ZBTB20: variants seen among roughly 807,000 people sequenced by gnomAD.
ZBTB20 encodes zinc finger and BTB domain containing 20, also known as zinc finger and BTB domain-containing protein 20.
A neutral mutation model predicts 56.9 loss-of-function variants in ZBTB20; 9 were observed. The ratio of observed to expected loss-of-function variants is 0.16; its 90% confidence interval spans 0.10 to 0.28. The LOEUF (loss-of-function observed/expected upper bound fraction) is 0.28, where lower values mean the gene tolerates loss of function less well. ZBTB20 is among the 10% of genes least tolerant of loss of function. The pLI is 1.00. For synonymous variants in ZBTB20, 417 were observed against 420.7 expected (o/e 0.99, Z 0.11); for missense variants, 655 against 1,003.0 (o/e 0.65, Z 4.69).
chr3:115,031,557 T>A (rs2080681018), intron 2 of ZBTB20, among the ~76,000 whole-genome samples: 1 of 151,484 alleles, frequency 6.6e-6, no homozygotes, highest in African/African-American at 2.4e-5. Flanking sequence ...GAGATTTAAA[T>A]TACTTAATGC....
In ZBTB20 at chr3:114,328,740, TAAA is replaced by T. The variant is rs1330113457; in HGVS notation, c.*10262_*10264del. 2.0e-5 allele frequency: 3 copies of T among 152,238 alleles called. No individual in the cohort carries two copies. The highest frequency in any genetic ancestry group is 6.5e-5 in the Admixed American group (1 of 15,284). 9.4% of individuals were successfully genotyped at this position (152,238 alleles called of 1,614,324 possible). A position where few individuals can be genotyped will look rare whatever the true frequency, so the allele number is the denominator to read the frequency against. On this transcript the variant is annotated 3_prime_UTR_variant, in exon 12 of 12. Transcript: ENST00000675478. ...TAGTGTTCTTTCATTAAATAAAACT[TAAA>T]GAAGGATGTTCAGAATGGGGTGGAG... is the stretch of plus-strand genomic sequence containing the variant.
At chr3:114,416,662 C>G (rs1179182607) in intron 7 of ZBTB20, among the ~76,000 whole-genome samples, 3 of 152,100 alleles carry the variant, frequency 2.0e-5, no homozygotes, top group East Asian at 3.9e-4. Flanking sequence ...TTTATTTTAG[C>G]AGCTCAGCTG....
intron 3 of ZBTB20, among the ~76,000 whole-genome samples, chr3:114,927,742 G>A (rs1441961953): frequency 1.3e-5 from 2 of 152,208 alleles, no homozygotes; most frequent in South Asian, 2.1e-4. Flanking sequence ...AAAAAAACCT[G>A]AAGCTAAAGC....
chr3:114,495,391 A>T (rs1577087658), intron 7 of ZBTB20, among the ~76,000 whole-genome samples: 2 of 152,236 alleles, frequency 1.3e-5, no homozygotes, highest in Admixed American at 1.3e-4. Flanking sequence ...TGCAGTGGTG[A>T]AAGAAAGAAA....
chr3:114,580,619 A>C (rs2107477179), intron 6 of ZBTB20, among the ~76,000 whole-genome samples: 1 of 151,980 alleles, frequency 6.6e-6, no homozygotes. Flanking sequence ...TTAGTTATTC[A>C]AAGTAGTAAG....
intron 6 of ZBTB20, among the ~76,000 whole-genome samples, chr3:114,677,895 T>C (rs1440677717): frequency 6.6e-6 from 1 of 152,194 alleles, no homozygotes; most frequent in East Asian, 1.9e-4. Context: ...ATCAAAGTTT[T>C]ACAGTATTAA....
intron 3 of ZBTB20, among the ~76,000 whole-genome samples, chr3:114,955,454 G>A (rs1405267612): frequency 6.6e-6 from 1 of 152,158 alleles, no homozygotes. Flanking sequence ...GCACTGTTGT[G>A]CAGGTCTTCT....
chr3:114,423,936 G>A (rs1361161084), intron 7 of ZBTB20, among the ~76,000 whole-genome samples: 2 of 152,110 alleles, frequency 1.3e-5, no homozygotes, highest in African/African-American at 2.4e-5. Context: ...AGTTGACTAC[G>A]GTCATAGGGA....
chr3:114,968,416 T>A (rs1325916710), intron 3 of ZBTB20, among the ~76,000 whole-genome samples: 1 of 152,188 alleles, frequency 6.6e-6, no homozygotes, highest in African/African-American at 2.4e-5. Context: ...GCATATGAAA[T>A]ATTTTTGCGA....
chr3:115,002,397 C>T (rs1048316453), intron 2 of ZBTB20, among the ~76,000 whole-genome samples: 6 of 151,378 alleles, frequency 4.0e-5, no homozygotes, highest in African/African-American at 1.5e-4. Flanking sequence ...TTAAAACTTC[C>T]ATATTTGTGA....
At chr3:115,116,462 A>G (rs902194349) in intron 1 of ZBTB20, among the ~76,000 whole-genome samples, 4 of 152,044 alleles carry the variant, frequency 2.6e-5, no homozygotes, top group African/African-American at 7.2e-5. Context: ...TATTTATTGG[A>G]TATGTATATT....
intron 1 of ZBTB20, among the ~76,000 whole-genome samples, chr3:115,112,615 T>C (rs1277122835): frequency 6.6e-6 from 1 of 152,188 alleles, no homozygotes; most frequent in Non-Finnish European, 1.5e-5. Context: ...TCCATTCACA[T>C]TGCTGCAAAT....
chr3:114,510,798 A>G (rs1475534314), intron 6 of ZBTB20, among the ~76,000 whole-genome samples: 1 of 152,128 alleles, frequency 6.6e-6, no homozygotes, highest in Non-Finnish European at 1.5e-5. Context: ...GAGAAGTTTG[A>G]TCTATACTCA....
intron 6 of ZBTB20, among the ~76,000 whole-genome samples, chr3:114,526,542 T>G (rs555530137): frequency 2.6e-5 from 4 of 152,290 alleles, no homozygotes; most frequent in Admixed American, 1.3e-4. Flanking sequence ...AATAGCCCAC[T>G]GTGCATTTTT....
intron 6 of ZBTB20, among the ~76,000 whole-genome samples, chr3:114,533,469 T>A (rs2048104891): frequency 6.6e-6 from 1 of 151,946 alleles, no homozygotes; most frequent in East Asian, 1.9e-4. Context: ...TGAACAAACC[T>A]CCAAGAAATA....
intron 3 of ZBTB20, among the ~76,000 whole-genome samples, chr3:114,937,428 CTTTTTT>C (rs879506585): frequency 2.1e-5 from 3 of 144,330 alleles, no homozygotes; most frequent in African/African-American, 7.5e-5. Flanking sequence ...TCTTCTTCTT[CTTTTTT>C]TTTTTTAGAT....
intron 1 of ZBTB20, among the ~76,000 whole-genome samples, chr3:115,115,234 T>C (rs779858188): frequency 8.5e-5 from 13 of 152,146 alleles, no homozygotes; most frequent in Admixed American, 2.0e-4. Context: ...AGGGATTTCA[T>C]GTGTAGAAGT....
intron 2 of ZBTB20, among the ~76,000 whole-genome samples, chr3:115,047,804 T>C (rs1429419489): frequency 6.6e-6 from 1 of 152,154 alleles, no homozygotes; most frequent in African/African-American, 2.4e-5. Context: ...ACTTTATGTA[T>C]AACGAAATTG....
intron 1 of ZBTB20, among the ~76,000 whole-genome samples, chr3:115,074,569 G>A (rs561915559): frequency 2.0e-5 from 3 of 152,192 alleles, no homozygotes; most frequent in African/African-American, 7.2e-5. Context: ...TGAAGTAACA[G>A]AAATAGCATA....
Sources: gnomAD v4.1 joint callset for allele counts (sites outside exome capture counted in the v4.1 genomes callset) on GRCh38, gnomAD v4.1.1 for gene constraint, MANE v1.5 for transcripts, NCBI Gene and HGNC (gene_info 2026-07-23, HGNC 2026-07-21) for gene names.